The following PRMT2 variants were observed in gnomAD, a reference collection of about 807,000 sequenced individuals.
PRMT2 encodes the protein protein arginine N-methyltransferase 2.
PRMT2 carries 26 observed loss-of-function variants against 57.6 expected under a neutral mutation model. The ratio of observed to expected loss-of-function variants is 0.45; its 90% CI spans 0.33 to 0.63. The LOEUF (loss-of-function observed/expected upper bound fraction) is 0.63, where lower values mean the gene tolerates loss of function less well. Ranked by LOEUF, PRMT2 falls within the 20% of genes least tolerant of loss-of-function variation. The probability of loss-of-function intolerance (pLI) is 0.02; values close to 1 mark genes in which losing one functional copy is unlikely to be tolerated. For missense variants in PRMT2, 472 were observed against 564.4 expected (o/e 0.84, Z 1.66); for synonymous variants, 219 against 220.0 (o/e 1.00, Z 0.04).
chr21:46,661,641 C>G, intron 9 of PRMT2, 159 bp from the exon 10 acceptor site: 3 of 622,212 alleles, frequency 4.8e-6, no homozygotes, highest in Non-Finnish European at 6.9e-6. Flanking sequence ...TCTGAACTCA[C>G]GATGCGGGTT....
At position 46,660,882 on chromosome 21, in the gene PRMT2, T is replaced by C; in HGVS notation, c.880T>C (p.Leu294=). 1 of 1,613,758 alleles carries C rather than the reference T, an allele frequency of 6.2e-7. No individual in the cohort carries two copies. Among genetic ancestry groups the C allele is most frequent in the East Asian group, 2.2e-5 (1 of 44,888 alleles). The part of the protein sequence containing the change: ...FFSKPKYNHI[L]KPEDCLSEPC... ...TTCAAAGCCCAAGTATAACCACATTTTGAAACCAGAAGACTGTCTCTCTGA... is the reference window on the plus strand; with the variant it reads ...TTCAAAGCCCAAGTATAACCACATTCTGAAACCAGAAGACTGTCTCTCTGA... The change falls in exon 9 of 12, where the codon TTG becomes CTG. Residue 294 remains leucine, a synonymous_variant. Coordinates refer to ENST00000355680, the MANE Select transcript of PRMT2 (RefSeq NM_206962.4).
intron 8 of PRMT2, 152 bp downstream of exon 8, chr21:46,659,072 GTAAT>G: frequency 7.0e-7 from 1 of 1,430,584 alleles, no homozygotes; most frequent in Non-Finnish European, 9.2e-7. Context: ...TAGCATTGGA[GTAAT>G]TAAAGCAGTA....
In PRMT2 at chr21:46,652,484, A is replaced by T. The variant is rs995114159; in HGVS notation, c.654+2745A>T. ...GACTAGAAAGGCAGAGAAATGCCAG[A>T]GGCCAGGAGCTTGAACGTTGTTCAA... On this transcript the variant is annotated intron_variant, in intron 7 of 11. Transcript: ENST00000355680. 4.1e-6 allele frequency: 4 copies of T among 985,354 alleles called. No individual in the cohort carries two copies. The South Asian group carries it at 1.9e-4, about 46-fold the overall frequency. 61.0% of individuals were successfully genotyped at this position (985,354 alleles called of 1,614,324 possible). A position where few individuals can be genotyped will look rare whatever the true frequency, so the allele number is the denominator to read the frequency against.
At chr21:46,637,047 G>T in intron 3 of PRMT2, 57 bp downstream of exon 3, 1 of 1,576,444 alleles carries the variant, frequency 6.3e-7, no homozygotes, top group Admixed American at 1.7e-5. Context: ...GCATTACAGA[G>T]AGCTAAGCGT....
chr21:46,649,922 T>TA lies in PRMT2; in HGVS notation c.654+189dup. On this transcript the variant is annotated intron_variant, in intron 7 of 11. Transcript: ENST00000355680. The surrounding 1 kb of genome is among the most constrained non-coding windows in gnomAD (Gnocchi z 4.8). Reference sequence around the variant, plus strand: ...CAGTGTCTTGAATTTTCACCTGATTTAAAAAATGCCTTTATGAGAAATTTA... The same window carrying TA: ...CAGTGTCTTGAATTTTCACCTGATTTAAAAAAATGCCTTTATGAGAAATTTA... 6.9e-7 allele frequency: 1 copy of TA among 1,450,896 alleles called. No individual in the cohort carries two copies. Among genetic ancestry groups the TA allele is most frequent in the Non-Finnish European group, 9.1e-7 (1 of 1,098,394 alleles). The allele number at this position is 1,450,896 out of a possible 1,614,324, so 89.9% of individuals were successfully genotyped here.
Position 46,648,757 on chromosome 21 carries a change from C to A in PRMT2, c.489+138C>A. 1 of 1,115,442 alleles carries A rather than the reference C, an allele frequency of 9.0e-7. No individual in the cohort carries two copies. The highest frequency in any genetic ancestry group is 1.3e-6 in the Non-Finnish European group (1 of 781,422). The allele number at this position is 1,115,442 out of a possible 1,614,324, so 69.1% of individuals were successfully genotyped here. On this transcript the variant is annotated intron_variant, in intron 6 of 11. Coordinates refer to ENST00000355680, the MANE Select transcript of PRMT2 (RefSeq NM_206962.4). The surrounding 1 kb of genome is among the most constrained non-coding windows in gnomAD (Gnocchi z 4.8). ...CTCCATGGTCTTGTTGAGCACCCTG[C>A]ACGTGGGGCTCAGGGTCGGTAAAAT... is the stretch of plus-strand genomic sequence containing the variant.
chr21:46,639,321 A>G (rs746524237), intron 3 of PRMT2, among the ~76,000 whole-genome samples: 1 of 152,122 alleles, frequency 6.6e-6, no homozygotes, highest in East Asian at 1.9e-4. Context: ...TGTATTCTGC[A>G]GTTGTTGAGT....
intron 8 of PRMT2, chr21:46,659,942 T>A: frequency 1.0e-6 from 1 of 985,206 alleles, no homozygotes; most frequent in East Asian, 1.1e-4. Context: ...GAATGGATGT[T>A]TGCTTGCATA....
intron 3 of PRMT2, 134 bp downstream of exon 3, chr21:46,637,124 AATGT>A (rs1394569352): frequency 1.2e-5 from 10 of 800,622 alleles, no homozygotes; most frequent in Non-Finnish European, 2.0e-5. Flanking sequence ...AGAATGCTTA[AATGT>A]GAAGATTGTG....
Position 46,648,324 on chromosome 21 carries a change from C to G in PRMT2, c.328-134C>G. The G allele has an allele frequency of 2.4e-6, 2 of 847,412 alleles. No homozygotes were observed. The highest frequency in any genetic ancestry group is 3.6e-6 in the Non-Finnish European group (2 of 552,498). The allele number at this position is 847,412 out of a possible 1,614,324, so 52.5% of individuals were successfully genotyped here. A position where few individuals can be genotyped will look rare whatever the true frequency, so the allele number is the denominator to read the frequency against. ...GATTAACTTGGTTGACAGTGATGTC[C>G]AGGCCTTCCATAGTCTTCCATAGGG... On this transcript the variant is annotated intron_variant, in intron 5 of 11. Coordinates refer to ENST00000355680, the MANE Select transcript of PRMT2 (RefSeq NM_206962.4). The surrounding 1 kb of genome is among the most constrained non-coding windows in gnomAD (Gnocchi z 4.8).
At position 46,661,526 on chromosome 21, in the gene PRMT2, A is replaced by G. The variant is rs534205113; in HGVS notation, c.961-274A>G. ...GGAAAGGCCCAGCCTGGAGCTCTCC[A>G]ACTCCTTAACTGGAAGAGCTGAGCG... On this transcript the variant is annotated intron_variant, in intron 9 of 11. Transcript: ENST00000355680. 1.5e-3 allele frequency: 423 copies of G among 273,114 alleles called. 3 individuals are homozygous for G. Among genetic ancestry groups the G allele is most frequent in the African/African-American group, 8.8e-3 (398 of 45,002 alleles). The allele number at this position is 273,114 out of a possible 1,614,324, so 16.9% of individuals were successfully genotyped here. A position where few individuals can be genotyped will look rare whatever the true frequency, so the allele number is the denominator to read the frequency against.
At chr21:46,656,111 A>G (rs2061538682) in intron 7 of PRMT2, among the ~76,000 whole-genome samples, 1 of 152,128 alleles carries the variant, frequency 6.6e-6, no homozygotes, top group African/African-American at 2.4e-5. Flanking sequence ...CCTCGTGGGT[A>G]GATAAGTGAG....
At position 46,660,887 on chromosome 21, in the gene PRMT2, A is replaced by T. The variant is rs751379148; in HGVS notation, c.885A>T (p.Lys295Asn). ...AGCCCAAGTATAACCACATTTTGAA[A>T]CCAGAAGACTGTCTCTCTGAACCGT... is the stretch of plus-strand genomic sequence containing the variant. ...FSKPKYNHIL[K>N]PEDCLSEPCT... Residue 295 changes from lysine to asparagine, a missense_variant, in exon 9 of 12, where the codon AAA becomes AAT. Lys to Asn is a moderately conservative substitution (Grantham distance 94). Transcript: ENST00000355680. The T allele has an allele frequency of 3.1e-6, 5 of 1,613,412 alleles. No homozygotes were observed. In the African/African-American group the frequency reaches 6.7e-5, roughly 22 times the overall value.
At chr21:46,652,014 A>T in intron 7 of PRMT2, 1 of 1,613,050 alleles carries the variant, frequency 6.2e-7, no homozygotes, top group Non-Finnish European at 8.5e-7. Context: ...TGACGCTGAC[A>T]TGTAGTAAAA....
chr21:46,639,700 G>T (rs1326199826), intron 3 of PRMT2, among the ~76,000 whole-genome samples: 1 of 150,310 alleles, frequency 6.7e-6, no homozygotes, highest in Non-Finnish European at 1.5e-5. Flanking sequence ...GTGTGTGTGT[G>T]TGTGTGTTTG....
Position 46,664,610 on chromosome 21 carries a change from T to TA in PRMT2, c.*283_*284insA. 1 of 529,226 alleles carries TA rather than the reference T, an allele frequency of 1.9e-6. No individual in the cohort carries two copies. The highest frequency in any genetic ancestry group is 3.2e-5 in the East Asian group (1 of 31,532). 32.8% of individuals were successfully genotyped at this position (529,226 alleles called of 1,614,324 possible). On this transcript the variant is annotated 3_prime_UTR_variant, in exon 12 of 12. Transcript: ENST00000355680. The stretch of plus-strand genomic sequence containing the variant: ...CCGTGGTGCCCACAGTGCCGACCCG[T>TA]GGCTGGGTCGGAGCTCCATGTTCCT...
chr21:46,643,440 G>T (rs1403328288), intron 3 of PRMT2, 95 bp from the exon 4 acceptor site: 1 of 1,376,792 alleles, frequency 7.3e-7, no homozygotes, highest in Non-Finnish European at 9.4e-7. Context: ...ACATGAATCT[G>T]TATTTGAAAT....
Position 46,649,721 on chromosome 21 carries a change from G to C in PRMT2, c.636G>C (p.Trp212Cys). 6.2e-7 allele frequency: 1 copy of C among 1,613,790 alleles called. No homozygotes were observed. Among genetic ancestry groups the C allele is most frequent in the Non-Finnish European group, 8.5e-7 (1 of 1,179,924 alleles). ...AGGTGGACGTGCTGGTGTCTGAGTGGATGGGGACCTGCCTGCTGGTGAGGG... is the reference window on the plus strand; with the variant it reads ...AGGTGGACGTGCTGGTGTCTGAGTGCATGGGGACCTGCCTGCTGGTGAGGG... ...PEKVDVLVSE[W>C]MGTCLLFEFM... Residue 212 changes from tryptophan (W) to cysteine (C), a missense_variant, in exon 7 of 12, where the codon TGG (tryptophan) becomes TGC (cysteine). Trp to Cys is a radical substitution (Grantham distance 215, BLOSUM62 -2). Coordinates refer to ENST00000355680, the MANE Select transcript of PRMT2 (RefSeq NM_206962.4). The surrounding 1 kb of genome is among the most constrained non-coding windows in gnomAD (Gnocchi z 4.8).
chr21:46,664,448 T>C lies in PRMT2; in HGVS notation c.*121T>C, dbSNP rs2061674908. On this transcript the variant is annotated 3_prime_UTR_variant, in exon 12 of 12. Transcript: ENST00000355680. Reference sequence around the variant, plus strand: ...AAGTCGGTGAACATTCACTCCACATTGACCCCTCCCTAGCCTGGCAGGTGA... The same window carrying C: ...AAGTCGGTGAACATTCACTCCACATCGACCCCTCCCTAGCCTGGCAGGTGA... 11 of 1,274,626 alleles carry C rather than the reference T, an allele frequency of 8.6e-6. No individual in the cohort carries two copies. The South Asian group carries it at 1.2e-4, about 14-fold the overall frequency. The allele number at this position is 1,274,626 out of a possible 1,614,324, so 79.0% of individuals were successfully genotyped here.
Sources: allele counts gnomAD v4.1 joint callset (sites outside exome capture counted in the v4.1 genomes callset), GRCh38; gene constraint gnomAD v4.1.1; non-coding constraint Gnocchi (gnomAD v3.1); transcripts MANE v1.5; gene names NCBI Gene and HGNC (gene_info 2026-07-23, HGNC 2026-07-21).